The following NRXN3 variants were observed in gnomAD, a reference collection of about 807,000 sequenced individuals.
NRXN3 encodes neurexin III.
A neutral mutation model predicts 137.6 loss-of-function variants in NRXN3; 32 were observed. The ratio of observed to expected loss-of-function variants is 0.23; its 90% CI spans 0.18 to 0.31. The LOEUF (loss-of-function observed/expected upper bound fraction) is 0.31. Ranked by LOEUF, NRXN3 falls within the 10% of genes least tolerant of loss-of-function variation. NRXN3 has a pLI of 1.00. For synonymous variants in NRXN3, 798 were observed against 784.5 expected, an observed-to-expected ratio of 1.02 and a Z score of -0.29; for missense variants, 1,574 against 2,062.5, an observed-to-expected ratio of 0.76 and a Z score of 4.59.
chr14:78,172,788 TA>T (rs956291963), intron 1 of NRXN3, among the ~76,000 whole-genome samples: 1 of 152,122 alleles, frequency 6.6e-6, no homozygotes, highest in Non-Finnish European at 1.5e-5. Context: ...AATAATAATT[TA>T]AAAAAAATTG....
chr14:78,913,256 TTCTTTC>T, intron 10 of NRXN3, among the ~76,000 whole-genome samples: 1 of 107,002 alleles, frequency 9.3e-6, no homozygotes, highest in Middle Eastern at 4.3e-3. Context: ...TTTTCTTTCT[TTCTTTC>T]TTTCTTTCTT....
At chr14:79,425,689 T>G (rs1280268369) in intron 15 of NRXN3, among the ~76,000 whole-genome samples, 1 of 152,148 alleles carries the variant, frequency 6.6e-6, no homozygotes, top group African/African-American at 2.4e-5. Flanking sequence ...AGGTCTTCTG[T>G]CTCTCACAAT....
At chr14:79,518,240 A>C (rs1187803118) in intron 16 of NRXN3, among the ~76,000 whole-genome samples, 1 of 151,984 alleles carries the variant, frequency 6.6e-6, no homozygotes, top group Non-Finnish European at 1.5e-5. Flanking sequence ...GAAGCATTAG[A>C]GTATATAAGC....
chr14:79,590,450 T>C (rs2543568), intron 16 of NRXN3, among the ~76,000 whole-genome samples: 2 of 130,458 alleles, frequency 1.5e-5, no homozygotes, highest in South Asian at 4.7e-4. Flanking sequence ...ATTATGATAG[T>C]GCTAGTCAAT....
At chr14:79,739,579 G>A (rs990183858) in intron 19 of NRXN3, among the ~76,000 whole-genome samples, 1 of 144,600 alleles carries the variant, frequency 6.9e-6, no homozygotes, top group Non-Finnish European at 1.5e-5. Flanking sequence ...AGGAGGCGGA[G>A]GTTGCAGTGA....
rs574181373 is a variant in NRXN3 at position 79,801,542 on chromosome 14, G to A, written c.4015-3570G>A. ...TAATAGTGAAGTAACTAAGTGACGT[G>A]TGTGCACGCACACACACACATCCCA... On this transcript the variant is annotated intron_variant, in intron 19 of 20. Coordinates refer to ENST00000335750, the MANE Select transcript of NRXN3 (RefSeq NM_001330195.2). Among the ~76,000 whole-genome samples, 14 of 151,122 alleles carry A rather than the reference G, an allele frequency of 9.3e-5. 1 individual carries two copies. The South Asian group carries it at 3.0e-3, about 32-fold the overall frequency.
chr14:78,279,602 T>G (rs1308507981), intron 3 of NRXN3: 1 of 152,150 alleles, frequency 6.6e-6, no homozygotes. Context: ...GTACAGGAAA[T>G]TTAGGGCCTG....
chr14:78,523,528 G>C (rs1351134638), intron 4 of NRXN3, among the ~76,000 whole-genome samples: 2 of 151,648 alleles, frequency 1.3e-5, no homozygotes, highest in African/African-American at 4.9e-5. Flanking sequence ...GGCCGGGTGC[G>C]GTGGCTCACG....
intron 4 of NRXN3, among the ~76,000 whole-genome samples, chr14:78,603,085 C>A (rs1299627283): frequency 6.6e-6 from 1 of 151,954 alleles, no homozygotes; most frequent in East Asian, 1.9e-4. Flanking sequence ...GACAGTGGAG[C>A]TAAATAAAAT....
intron 4 of NRXN3, among the ~76,000 whole-genome samples, chr14:78,508,878 AC>A (rs1171196719): frequency 6.6e-6 from 1 of 152,220 alleles, no homozygotes; most frequent in Non-Finnish European, 1.5e-5. Context: ...ATTTTAAGCA[AC>A]TAATCAACTA....
At chr14:78,375,108 G>A (rs186829806) in intron 4 of NRXN3, among the ~76,000 whole-genome samples, 251 of 152,288 alleles carry the variant, frequency 1.6e-3, no homozygotes, top group Admixed American at 3.7e-3. Flanking sequence ...TGGTAGCAAG[G>A]ACTCCAACCT....
chr14:79,762,078 C>T (rs948393631), intron 19 of NRXN3, among the ~76,000 whole-genome samples: 4 of 151,580 alleles, frequency 2.6e-5, no homozygotes, highest in Non-Finnish European at 4.4e-5. Context: ...ATATTGGAAA[C>T]AAGGTTAGGG....
At chr14:79,222,514 A>T (rs190479825) in intron 15 of NRXN3, among the ~76,000 whole-genome samples, 2 of 152,118 alleles carry the variant, frequency 1.3e-5, no homozygotes, top group Non-Finnish European at 2.9e-5. Context: ...TGTGAATATA[A>T]GTTTTTAGCT....
rs769492779 is a variant in NRXN3, at chr14:79,396,243, A to G, written c.3263-70978A>G. On this transcript the variant is annotated intron_variant, in intron 15 of 20. Transcript: ENST00000335750. Reference sequence around the variant, plus strand: ...AACATAATACGGGGGTTGCGTAATTATAGGTCCATATATGTATTGTATTTC... The same window carrying G: ...AACATAATACGGGGGTTGCGTAATTGTAGGTCCATATATGTATTGTATTTC... Among the ~76,000 whole-genome samples the G allele has an allele frequency of 5.6e-4, 86 of 152,214 alleles. 1 individual carries two copies. The highest frequency in any genetic ancestry group is 9.6e-4 in the Non-Finnish European group (65 of 68,014).
In NRXN3 at chr14:78,803,423, G is replaced by A. The variant is rs1230166222; in HGVS notation, c.2045-197G>A. Among the ~76,000 whole-genome samples the A allele has an allele frequency of 2.0e-5, 3 of 152,232 alleles. No individual in the cohort carries two copies. The East Asian group carries it at 5.8e-4, about 29-fold the overall frequency. On this transcript the variant is annotated intron_variant, in intron 8 of 20. Transcript: ENST00000335750. ...TCATCATAATCCCCTTACAAATGAGGAAATAGAGCCTCAGAGGTTAAGTGG... is the reference window on the plus strand; with the variant it reads ...TCATCATAATCCCCTTACAAATGAGAAAATAGAGCCTCAGAGGTTAAGTGG...
At chr14:79,053,394 G>C (rs903633414) in intron 15 of NRXN3, among the ~76,000 whole-genome samples, 6 of 152,176 alleles carry the variant, frequency 3.9e-5, no homozygotes. Flanking sequence ...TGACAGAGCT[G>C]GGATTTGATC....
chr14:79,521,041 GATA>G (rs1305876154), intron 16 of NRXN3, among the ~76,000 whole-genome samples: 1 of 152,126 alleles, frequency 6.6e-6, no homozygotes. Context: ...TGATAGACTG[GATA>G]ATGAGTTGTT....
chr14:79,463,288 C>T (rs2096376866), intron 15 of NRXN3, among the ~76,000 whole-genome samples: 1 of 152,060 alleles, frequency 6.6e-6, no homozygotes, highest in Non-Finnish European at 1.5e-5. Flanking sequence ...AACTTTCACC[C>T]AGGACTCCTT....
intron 15 of NRXN3, among the ~76,000 whole-genome samples, chr14:78,990,055 A>G (rs1237360933): frequency 6.6e-6 from 1 of 151,844 alleles, no homozygotes; most frequent in East Asian, 1.9e-4. Context: ...GGAGTATCAC[A>G]CTGTCTGACT....
Sources: gnomAD v4.1 joint callset for allele counts (sites outside exome capture counted in the v4.1 genomes callset) on GRCh38, gnomAD v4.1.1 for gene constraint, MANE v1.5 for transcripts, NCBI Gene and HGNC (gene_info 2026-07-23, HGNC 2026-07-21) for gene names.